The following ICE2 variants were observed in gnomAD, a reference collection of about 807,000 sequenced individuals.
ICE2 encodes the protein little elongation complex subunit 2.
In ICE2, 87 loss-of-function variants were observed where a neutral mutation model predicts 105.4. The ratio of observed to expected loss-of-function variants is 0.83; its 90% CI spans 0.69 to 0.99. The LOEUF is 0.99. ICE2 is among the 50% of genes least tolerant of loss of function. ICE2 has a pLI of 0.00. For synonymous variants in ICE2, 399 were observed against 392.0 expected, an observed-to-expected ratio of 1.02 and a Z score of -0.21; for missense variants, 1,323 against 1,146.7, an observed-to-expected ratio of 1.15 and a Z score of -2.22.
At chr15:60,437,203 C>A (rs747506656) in intron 12 of ICE2, among the ~76,000 whole-genome samples, 1 of 151,246 alleles carries the variant, frequency 6.6e-6, no homozygotes, top group African/African-American at 2.4e-5. Context: ...TGCAGTGAGC[C>A]GATACAGTGC....
chr15:60,433,345 C>T (rs567355409), intron 13 of ICE2, among the ~76,000 whole-genome samples: 3 of 152,042 alleles, frequency 2.0e-5, no homozygotes, highest in East Asian at 3.9e-4. Context: ...CTCAGCTTCC[C>T]AAAGTGCTGG....
At chr15:60,468,882 A>T (rs78094093) in intron 3 of ICE2, among the ~76,000 whole-genome samples, 2,477 of 152,348 alleles carry the variant, frequency 0.016, 26 homozygotes, top group Non-Finnish European at 0.027. Flanking sequence ...GAAAAGTTGT[A>T]CAATCCTCTA....
At chr15:60,440,433 G>C (rs2063694654) in intron 12 of ICE2, 3 of 152,116 alleles carry the variant, frequency 2.0e-5, no homozygotes, top group Non-Finnish European at 4.4e-5. Context: ...AGTTTTTATG[G>C]GGAAAAGATA....
chr15:60,428,653 C>T lies in ICE2; in HGVS notation c.2596G>A (p.Ala866Thr), dbSNP rs2063389712. The part of the protein sequence containing the change: ...QEGSYLLSHA[A>T]EDSSLLIYKA... ...TAAATCAGGAGTGAAGAATCTTCTG[C>T]TGCATGAGATAACAAGTAGGAACCC... is the stretch of plus-strand genomic sequence containing the variant. Residue 866 changes from alanine (A) to threonine (T), a missense_variant, in exon 15 of 16, where the codon GCA becomes ACA. By Grantham distance (58) the Ala-to-Thr change is moderately conservative. Transcript: ENST00000261520. 1 of 1,613,952 alleles carries T rather than the reference C, an allele frequency of 6.2e-7. No individual in the cohort carries two copies. The highest frequency in any genetic ancestry group is 8.5e-7 in the Non-Finnish European group (1 of 1,179,960).
chr15:60,467,242 C>A lies in ICE2; in HGVS notation c.409-529G>T, dbSNP rs193197749. Among the ~76,000 whole-genome samples, 774 of 152,266 alleles carry A rather than the reference C, an allele frequency of 5.1e-3. 2 individuals carry two copies. Among genetic ancestry groups the A allele is most frequent in the African/African-American group, 0.018 (741 of 41,550 alleles). ...CCTCCCAAAGTGTTGGGATTACAGG[C>A]ATGAGCCACTGGGCCTGGCCTCAAT... On this transcript the variant is annotated intron_variant, in intron 4 of 15. Transcript: ENST00000261520.
Position 60,423,597 on chromosome 15 carries a change from A to G in ICE2, c.*37T>C, listed in dbSNP as rs769378567. 9.5e-6 allele frequency: 15 copies of G among 1,571,554 alleles called. No homozygotes were observed. In the Admixed American group the frequency reaches 2.8e-4, roughly 29 times the overall value. On this transcript the variant is annotated 3_prime_UTR_variant, in exon 16 of 16. Transcript: ENST00000261520. ...CTTATCTAAATTAAACACTGTTATA[A>G]CTGTTTTTTTAAATTTAGTTTTCCA...
chr15:60,451,881 T>C (rs1045786379), intron 9 of ICE2: 1 of 206,548 alleles, frequency 4.8e-6, no homozygotes, highest in Admixed American at 6.5e-5. Flanking sequence ...CTAAGTATAA[T>C]AGGCTTACCT....
Position 60,449,766 on chromosome 15 carries a change from T to G in ICE2, c.1201A>C (p.Thr401Pro), listed in dbSNP as rs2063917092. ...NLYLDFDDDV[T>P]ELETFGVTTT... ...GTTACTCCAAAAGTTTCAAGTTCTG[T>G]GACATCATCATCAAAATCCAAATAC... Residue 401 changes from threonine (T) to proline (P), a missense_variant, in exon 10 of 16, where the codon ACA (threonine) becomes CCA (proline). Coordinates refer to ENST00000261520, the MANE Select transcript of ICE2 (RefSeq NM_024611.6). 6.2e-7 allele frequency: 1 copy of G among 1,614,040 alleles called. No homozygotes were observed. The highest frequency in any genetic ancestry group is 8.5e-7 in the Non-Finnish European group (1 of 1,180,010).
intron 13 of ICE2, among the ~76,000 whole-genome samples, chr15:60,434,849 TTCA>T (rs749087248): frequency 2.6e-5 from 4 of 152,156 alleles, no homozygotes; most frequent in Non-Finnish European, 5.9e-5. Context: ...GAAATTACAG[TTCA>T]TCATAATTTA....
At chr15:60,453,027 T>C in intron 9 of ICE2, 1 of 882,154 alleles carries the variant, frequency 1.1e-6, no homozygotes, top group Non-Finnish European at 1.4e-6. Context: ...AGTCAGAAGT[T>C]TGAGACCAGC....
At chr15:60,435,382 C>T (rs1241985596) in intron 13 of ICE2, among the ~76,000 whole-genome samples, 8 of 151,324 alleles carry the variant, frequency 5.3e-5, no homozygotes, top group Admixed American at 4.0e-4. Flanking sequence ...GGAGGATCAC[C>T]CGAGGTCGGG....
chr15:60,463,000 A>G (rs2064321459), intron 5 of ICE2, among the ~76,000 whole-genome samples: 1 of 152,220 alleles, frequency 6.6e-6, no homozygotes, highest in Non-Finnish European at 1.5e-5. Context: ...TTTTGTCACA[A>G]CGTACAGCAT....
Position 60,448,831 on chromosome 15 carries a change from T to C in ICE2, c.2119+17A>G. The stretch of plus-strand genomic sequence containing the variant: ...AACAAGTAAAACACTGTAAGCTCTT[T>C]GTAAATATTTACTTACGTCCTTTTG... On this transcript the variant is annotated intron_variant, in intron 10 of 15. Coordinates refer to ENST00000261520, the MANE Select transcript of ICE2 (RefSeq NM_024611.6). 2 of 1,558,144 alleles carry C rather than the reference T, an allele frequency of 1.3e-6. No homozygotes were observed. The highest frequency in any genetic ancestry group is 2.2e-5 in the East Asian group (1 of 44,488).
At chr15:60,464,335 C>T (rs1190414279) in intron 5 of ICE2, among the ~76,000 whole-genome samples, 2 of 132,724 alleles carry the variant, frequency 1.5e-5, no homozygotes, top group Non-Finnish European at 3.3e-5. Context: ...TGGAAGACCA[C>T]GAGTGAATAA....
rs1013246419 is a variant in ICE2 at position 60,455,869 on chromosome 15, C to T, written c.667-427G>A. Among the ~76,000 whole-genome samples the T allele has an allele frequency of 5.9e-5, 9 of 152,114 alleles. No homozygotes were observed. The East Asian group carries it at 1.2e-3, about 20-fold the overall frequency. On this transcript the variant is annotated intron_variant, in intron 6 of 15. Transcript: ENST00000261520. ...CTGACCTCAAGTGATCCGCCTGCCT[C>T]GGCCTCCCAAAGTGCTGGGATTATA...
intron 9 of ICE2, chr15:60,452,137 G>A: frequency 1.0e-6 from 1 of 983,936 alleles, no homozygotes; most frequent in South Asian, 4.7e-5. Flanking sequence ...ATAAGTTTTA[G>A]GCAGATTTTT....
intron 2 of ICE2, among the ~76,000 whole-genome samples, chr15:60,477,473 C>CTA (rs1421217518): frequency 6.6e-6 from 1 of 152,164 alleles, no homozygotes; most frequent in Admixed American, 6.5e-5. Context: ...TACAAAACCA[C>CTA]TATATTATTT....
chr15:60,465,710 G>GTA (rs1249932185), intron 5 of ICE2, among the ~76,000 whole-genome samples: 34 of 147,804 alleles, frequency 2.3e-4, no homozygotes, highest in Admixed American at 4.7e-4. Context: ...ATGTGTGTGT[G>GTA]TATATATATA....
chr15:60,449,895 A>C (rs1447186002), intron 9 of ICE2, 54 bp from the exon 10 acceptor site: 4 of 1,268,070 alleles, frequency 3.2e-6, no homozygotes, highest in Non-Finnish European at 4.5e-6. Context: ...CACCCTACCT[A>C]TCTCTTAATG....
Sources: gnomAD v4.1 joint callset for allele counts (sites outside exome capture counted in the v4.1 genomes callset) on GRCh38, gnomAD v4.1.1 for gene constraint, MANE v1.5 for transcripts, NCBI Gene and HGNC (gene_info 2026-07-23, HGNC 2026-07-21) for gene names.